GRIP1: variants seen among roughly 807,000 people sequenced by gnomAD.
GRIP1 encodes the protein glutamate receptor interacting protein 1.
A neutral mutation model predicts 129.9 loss-of-function variants in GRIP1; 45 were observed. That is an observed-to-expected ratio of 0.35 (90% CI 0.27 to 0.44). GRIP1 has a LOEUF of 0.44. Among genes scored for constraint, GRIP1 ranks in the 20% least tolerant of loss-of-function variants. The pLI, the probability that GRIP1 is intolerant of heterozygous loss-of-function variation, is 1.00. For missense variants in GRIP1, 1,196 were observed against 1,396.8 expected (o/e 0.86, Z 2.29); for synonymous variants, 530 against 520.8 (o/e 1.02, Z -0.24).
intron 16 of GRIP1, among the ~76,000 whole-genome samples, chr12:66,400,325 A>G (rs1229121283): frequency 6.7e-6 from 1 of 149,792 alleles, no homozygotes; most frequent in East Asian, 1.9e-4. Context: ...ACTTTTTATC[A>G]TAGGTCCTTC....
chr12:66,891,697 A>C (rs1285039608), intron 1 of GRIP1, among the ~76,000 whole-genome samples: 1 of 152,176 alleles, frequency 6.6e-6, no homozygotes, highest in East Asian at 1.9e-4. Context: ...GTAGGAAGAA[A>C]AATGCTTTGA....
At chr12:66,384,884 T>C (rs2056284813) in intron 19 of GRIP1, among the ~76,000 whole-genome samples, 1 of 152,242 alleles carries the variant, frequency 6.6e-6, no homozygotes, top group Non-Finnish European at 1.5e-5. Context: ...TCAGCTAAAC[T>C]TGACCTTTAA....
In GRIP1 at chr12:66,946,976, G is replaced by A. The variant is rs554795488; in HGVS notation, c.58+122074C>T. On this transcript the variant is annotated intron_variant, in intron 1 of 1. Transcript: ENST00000643019. ...GGAGAATTGCTCGACCCCAGGAGGC[G>A]GAGGTTGTGGTGAACCGAGATCGCA... 2.4e-4 allele frequency among the ~76,000 whole-genome samples: 36 copies of A among 151,784 alleles called. 1 individual carries two copies. The highest frequency in any genetic ancestry group is 2.3e-3 in the East Asian group (12 of 5,146).
chr12:66,401,095 C>T (rs1417254329), intron 16 of GRIP1, among the ~76,000 whole-genome samples: 5 of 152,142 alleles, frequency 3.3e-5, no homozygotes, highest in African/African-American at 1.2e-4. Flanking sequence ...CTCCTGAAGG[C>T]AGGAGGGTGG....
chr12:66,430,877 A>G (rs2058127511), intron 14 of GRIP1, among the ~76,000 whole-genome samples: 2 of 152,158 alleles, frequency 1.3e-5, no homozygotes, highest in Non-Finnish European at 2.9e-5. Flanking sequence ...CAGGGTGTAT[A>G]TTCTTAAAAT....
rs534252357 is a variant in GRIP1, at chr12:66,530,480, A to C, written c.419-566T>G. Among the ~76,000 whole-genome samples, 184 of 152,320 alleles carry C rather than the reference A, an allele frequency of 1.2e-3. 1 individual carries two copies. The highest frequency in any genetic ancestry group is 4.1e-3 in the Admixed American group (63 of 15,296). On this transcript the variant is annotated intron_variant, in intron 4 of 24. Transcript: ENST00000359742. ...AAAAGAAATTCTAAGTGCATTTAAA[A>C]TACTACTACTATCTAAGAAACTACA...
chr12:66,925,344 TG>T (rs2041279430), intron 1 of GRIP1, among the ~76,000 whole-genome samples: 1 of 151,912 alleles, frequency 6.6e-6, no homozygotes, highest in Non-Finnish European at 1.5e-5. Flanking sequence ...GGAGTTAAGC[TG>T]GGCAATTGAT....
intron 2 of GRIP1, among the ~76,000 whole-genome samples, chr12:66,565,694 G>A (rs1474115001): frequency 6.6e-6 from 1 of 152,168 alleles, no homozygotes; most frequent in Non-Finnish European, 1.5e-5. Flanking sequence ...GGATGGCATT[G>A]AATCTATAAG....
chr12:66,942,795 T>C (rs903110313), intron 1 of GRIP1, among the ~76,000 whole-genome samples: 20 of 152,144 alleles, frequency 1.3e-4, no homozygotes, highest in African/African-American at 4.1e-4. Context: ...GCGGAGCTTT[T>C]GGGAGGTGAT....
intron 1 of GRIP1, among the ~76,000 whole-genome samples, chr12:66,888,081 A>T (rs913955196): frequency 1.3e-5 from 2 of 152,154 alleles, no homozygotes; most frequent in Non-Finnish European, 2.9e-5. Flanking sequence ...ATTTTGAGAC[A>T]GGGTCTCTCT....
At chr12:66,983,313 T>G (rs7968817) in intron 1 of GRIP1, among the ~76,000 whole-genome samples, 1 of 152,208 alleles carries the variant, frequency 6.6e-6, no homozygotes, top group Non-Finnish European at 1.5e-5. Flanking sequence ...ACAAAAACTA[T>G]AATTTTCCTA....
intron 1 of GRIP1, among the ~76,000 whole-genome samples, chr12:67,049,264 T>C (rs1455506619): frequency 6.6e-6 from 1 of 152,208 alleles, no homozygotes; most frequent in East Asian, 1.9e-4. Context: ...GAGAATACCA[T>C]AGGAGGTAAA....
chr12:66,627,442 G>A (rs535129520), intron 1 of GRIP1, among the ~76,000 whole-genome samples: 1 of 152,200 alleles, frequency 6.6e-6, no homozygotes, highest in Non-Finnish European at 1.5e-5. Flanking sequence ...TATTTTCCAT[G>A]TGTCAAGTAT....
At chr12:66,636,982 T>C (rs2031457247) in intron 1 of GRIP1, among the ~76,000 whole-genome samples, 1 of 152,074 alleles carries the variant, frequency 6.6e-6, no homozygotes, top group Admixed American at 6.6e-5. Context: ...GCAACGGGTG[T>C]CACATGCTGC....
chr12:66,418,738 A>G (rs962513197), intron 15 of GRIP1, among the ~76,000 whole-genome samples: 6 of 152,206 alleles, frequency 3.9e-5, no homozygotes, highest in Non-Finnish European at 8.8e-5. Flanking sequence ...CAAAACTACA[A>G]TGAGATATCA....
At chr12:66,420,102 A>C (rs1397572158) in intron 15 of GRIP1, among the ~76,000 whole-genome samples, 2 of 152,244 alleles carry the variant, frequency 1.3e-5, no homozygotes, top group African/African-American at 2.4e-5. Context: ...GGTCTCAAAA[A>C]TAAAACAAAG....
intron 1 of GRIP1, among the ~76,000 whole-genome samples, chr12:66,809,699 G>T (rs2039066774): frequency 6.9e-6 from 1 of 145,604 alleles, no homozygotes. Flanking sequence ...TTGGTGTGTT[G>T]CCCAGGCTGG....
intron 1 of GRIP1, among the ~76,000 whole-genome samples, chr12:67,054,688 C>T (rs113423090): frequency 0.018 from 2,685 of 151,378 alleles, 60 homozygotes; most frequent in African/African-American, 0.056. Flanking sequence ...TGCTTGAACC[C>T]GGGAGGTAGA....
chr12:66,886,225 C>T (rs2040564437), intron 1 of GRIP1, among the ~76,000 whole-genome samples: 1 of 152,138 alleles, frequency 6.6e-6, no homozygotes, highest in Admixed American at 6.5e-5. Flanking sequence ...GAGATCATGT[C>T]ACTGCACTTC....
Sources: gnomAD v4.1 joint callset for allele counts (sites outside exome capture counted in the v4.1 genomes callset) on GRCh38, gnomAD v4.1.1 for gene constraint, MANE v1.5 for transcripts, NCBI Gene and HGNC (gene_info 2026-07-23, HGNC 2026-07-21) for gene names.